The following PRRC2B variants were observed in gnomAD, a reference collection of about 807,000 sequenced individuals.
PRRC2B encodes protein PRRC2B.
A neutral mutation model predicts 242.3 loss-of-function variants in PRRC2B; 68 were observed. That is an observed-to-expected ratio of 0.28 (90% CI 0.23 to 0.34). The LOEUF (loss-of-function observed/expected upper bound fraction) is 0.34, where lower values mean the gene tolerates loss of function less well. Among genes scored for constraint, PRRC2B ranks in the 10% least tolerant of loss-of-function variants. The pLI, the probability that PRRC2B is intolerant of heterozygous loss-of-function variation, is 1.00. For synonymous variants in PRRC2B, 1,228 were observed against 1,173.6 expected, an observed-to-expected ratio of 1.05 and a Z score of -0.95; for missense variants, 2,835 against 2,954.8, an observed-to-expected ratio of 0.96 and a Z score of 0.94.
intron 1 of PRRC2B, among the ~76,000 whole-genome samples, chr9:131,376,720 C>A (rs1369471235): frequency 6.6e-6 from 1 of 151,992 alleles, no homozygotes; most frequent in Non-Finnish European, 1.5e-5. Context: ...GTGTGGGAGA[C>A]AAAAAAATAA....
At position 131,475,116 on chromosome 9, in the gene PRRC2B, C is replaced by T. The variant is rs1374756662; in HGVS notation, c.2987C>T (p.Ala996Val). 5.6e-6 allele frequency: 9 copies of T among 1,611,710 alleles called. No individual in the cohort carries two copies. The Admixed American group carries it at 1.5e-4, about 27-fold the overall frequency. The change falls in exon 16 of 32, where the codon GCC (alanine) becomes GTC (valine). Residue 996 changes from alanine (A) to valine (V), a missense_variant. Ala to Val is a moderately conservative substitution (Grantham distance 64). This residue lies in a region of PRRC2B where 1,536 missense variants were observed against 1,483.1 expected (regional missense o/e 1.04). Transcript: ENST00000683519. Reference protein sequence around the residue: ...DEDEENDASLANSSTTTLEDK... With the variant: ...DEDEENDASLVNSSTTTLEDK... ...GACGAAGAGAACGATGCCTCTCTGG[C>T]CAACTCCTCCACCACCACTTTGGAG...
chr9:131,453,837 A>G (rs1282681058), intron 9 of PRRC2B, among the ~76,000 whole-genome samples: 1 of 152,212 alleles, frequency 6.6e-6, no homozygotes, highest in African/African-American at 2.4e-5. Context: ...TTATATGATT[A>G]TATGATTCAC....
At chr9:131,390,049 C>T (rs999063052), upstream of PRRC2B, among the ~76,000 whole-genome samples, 9 of 147,518 alleles carry the variant, frequency 6.1e-5, no homozygotes, top group South Asian at 2.2e-4. Flanking sequence ...GCCTCCCGAG[C>T]GATTACAGGT....
At chr9:131,420,049 T>C (rs1247867344) in intron 1 of PRRC2B, among the ~76,000 whole-genome samples, 1 of 152,152 alleles carries the variant, frequency 6.6e-6, no homozygotes, top group African/African-American at 2.4e-5. Context: ...GGAGTGCTTC[T>C]TGTGTCCTCA....
At position 131,494,404 on chromosome 9, in the gene PRRC2B, G is replaced by C. The variant is rs1304481356; in HGVS notation, c.6474-1G>C. The stretch of plus-strand genomic sequence containing the variant: ...TCAACCCCTGCCTTTGGTTTTTTCA[G>C]GCCTAGCTCTGCTAGCCCCAGTGGG... On this transcript the variant is annotated splice_acceptor_variant, in intron 30 of 31. Transcript: ENST00000683519. LOFTEE classifies it high-confidence loss of function. The surrounding 1 kb of genome is among the most constrained non-coding windows in gnomAD (Gnocchi z 4.3). The C allele has an allele frequency of 4.4e-6, 7 of 1,582,096 alleles. No homozygotes were observed. Among genetic ancestry groups the C allele is most frequent in the Non-Finnish European group, 5.2e-6 (6 of 1,159,126 alleles).
upstream of PRRC2B, among the ~76,000 whole-genome samples, chr9:131,393,862 ACTCCCAGCCCC>A (rs1322201825): frequency 1.7e-3 from 152 of 90,764 alleles, no homozygotes; most frequent in Admixed American, 2.3e-3. Context: ...GCCCCTCCCC[ACTCCCAGCCCC>A]CTCCCAGCCC....
intron 11 of PRRC2B, among the ~76,000 whole-genome samples, chr9:131,462,812 TG>T (rs1225002688): frequency 8.5e-6 from 1 of 118,298 alleles, no homozygotes; most frequent in Non-Finnish European, 1.6e-5. Context: ...CACTCCAGCC[TG>T]GGTGACAGAG....
intron 15 of PRRC2B, 40 bp from the exon 16 acceptor site, chr9:131,474,414 G>T: frequency 2.0e-6 from 3 of 1,530,594 alleles, no homozygotes; most frequent in Non-Finnish European, 2.7e-6. Context: ...CAGGAACCAG[G>T]CTCCAATCGC....
At position 131,475,406 on chromosome 9, in the gene PRRC2B, G is replaced by T. The variant is rs920810833; in HGVS notation, c.3277G>T (p.Val1093Phe). 2 of 1,579,676 alleles carry T rather than the reference G, an allele frequency of 1.3e-6. No individual in the cohort carries two copies. Among genetic ancestry groups the T allele is most frequent in the Non-Finnish European group, 1.7e-6 (2 of 1,164,180 alleles). ...TGGGAGCGGCCTCTGTGGTGGGGGG[G>T]TCCTGGGGGCCCGCAGCATCTACTG... ...GNGSGLCGGG[V>F]LGARSIYCSS... is the part of the protein sequence containing the mutation. The change falls in exon 16 of 32, where the codon GTC (valine) becomes TTC (phenylalanine). Residue 1093 changes from valine (V) to phenylalanine (F), a missense_variant. By Grantham distance (50) the Val-to-Phe change is conservative. Transcript: ENST00000683519.
At chr9:131,427,485 C>G (rs781183478) in intron 1 of PRRC2B, among the ~76,000 whole-genome samples, 5 of 152,086 alleles carry the variant, frequency 3.3e-5, no homozygotes, top group Non-Finnish European at 1.5e-5. Flanking sequence ...CGCCCACCAC[C>G]ACGCCTGGCT....
At chr9:131,375,762 C>G (rs931510970) in intron 1 of PRRC2B, among the ~76,000 whole-genome samples, 10 of 152,138 alleles carry the variant, frequency 6.6e-5, no homozygotes, top group African/African-American at 2.4e-4. Context: ...GGCGCGGTGG[C>G]TCAGGTCTGT....
chr9:131,444,590 C>G (rs945897923), intron 6 of PRRC2B, among the ~76,000 whole-genome samples: 1 of 152,040 alleles, frequency 6.6e-6, no homozygotes, highest in Non-Finnish European at 1.5e-5. Flanking sequence ...TTTTGCTGTG[C>G]CTGGTGGCTG....
At chr9:131,426,857 T>C (rs928266412) in intron 1 of PRRC2B, among the ~76,000 whole-genome samples, 6 of 152,222 alleles carry the variant, frequency 3.9e-5, no homozygotes, top group African/African-American at 1.4e-4. Context: ...GTCCCATCAT[T>C]GTGACATCAA....
chr9:131,473,598 G>C lies in PRRC2B; in HGVS notation c.2198G>C (p.Arg733Thr). 1.2e-6 allele frequency: 2 copies of C among 1,612,952 alleles called. No individual in the cohort carries two copies. The highest frequency in any genetic ancestry group is 1.7e-6 in the Non-Finnish European group (2 of 1,179,492). ...DQNCVPPLQE[R>T]KVTPIDSPPV... ...AACTGTGTGCCCCCACTCCAAGAAA[G>C]AAAAGTGACCCCCATCGACTCACCC... The change falls in exon 15 of 32, where the codon AGA becomes ACA. Residue 733 changes from arginine (R) to threonine (T), a missense_variant. Around this residue, in one of 7 missense-constraint regions of PRRC2B, gnomAD observed 1,536 missense variants for 1,483.1 expected, o/e 1.04. Coordinates refer to ENST00000683519, the MANE Select transcript of PRRC2B (RefSeq NM_013318.4).
At chr9:131,375,716 T>C (rs1163433975) in intron 1 of PRRC2B, among the ~76,000 whole-genome samples, 1 of 152,080 alleles carries the variant, frequency 6.6e-6, no homozygotes, top group East Asian at 1.9e-4. Flanking sequence ...TCCTCCTCTG[T>C]AAATGAGAAC....
At chr9:131,455,616 A>G (rs1262253597) in intron 10 of PRRC2B, among the ~76,000 whole-genome samples, 1 of 148,560 alleles carries the variant, frequency 6.7e-6, no homozygotes, top group Non-Finnish European at 1.5e-5. Flanking sequence ...TCCTGGGCTC[A>G]GCGATTCTCC....
chr9:131,460,787 G>A (rs980200994), intron 11 of PRRC2B, among the ~76,000 whole-genome samples: 2 of 151,830 alleles, frequency 1.3e-5, no homozygotes, highest in Non-Finnish European at 1.5e-5. Context: ...CATCTTTCCC[G>A]GATGCATGAC....
At chr9:131,462,484 A>G (rs1013100598) in intron 11 of PRRC2B, among the ~76,000 whole-genome samples, 1 of 151,008 alleles carries the variant, frequency 6.6e-6, no homozygotes, top group African/African-American at 2.4e-5. Context: ...AAGTGCTAGG[A>G]TTACAAGCAT....
intron 14 of PRRC2B, 59 bp downstream of exon 14, chr9:131,471,042 G>C (rs1943531533): frequency 1.5e-6 from 2 of 1,293,032 alleles, no homozygotes; most frequent in African/African-American, 3.0e-5. Flanking sequence ...TGGTGGTCAA[G>C]GGTGTCCTCT....
Sources: gnomAD v4.1 joint callset for allele counts (sites outside exome capture counted in the v4.1 genomes callset) on GRCh38, gnomAD v4.1.1 for gene constraint, gnomAD v4.1.1 regional missense constraint, Gnocchi (gnomAD v3.1) non-coding constraint, MANE v1.5 for transcripts, NCBI Gene and HGNC (gene_info 2026-07-23, HGNC 2026-07-21) for gene names.